Variants in SOX5 observed in about 807,000 individuals in gnomAD.
SOX5 encodes the protein SRY-box transcription factor 5.
Under a neutral mutation model 92.0 loss-of-function variants are expected in SOX5, and 9 were observed. The observed-to-expected ratio is 0.10, with a 90% CI of 0.06 to 0.17. The LOEUF is 0.17. Ranked by LOEUF, SOX5 falls within the 10% of genes least tolerant of loss-of-function variation. The pLI is 1.00. For missense variants in SOX5, 642 were observed against 944.5 expected, an observed-to-expected ratio of 0.68 and a Z score of 4.20; for synonymous variants, 344 against 336.3, an observed-to-expected ratio of 1.02 and a Z score of -0.25.
intron 4 of SOX5, among the ~76,000 whole-genome samples, chr12:23,990,542 T>C (rs943203422): frequency 6.6e-6 from 1 of 152,148 alleles, no homozygotes; most frequent in Non-Finnish European, 1.5e-5. Flanking sequence ...CATCGCATTC[T>C]CTGTGAAACC....
intron 11 of SOX5, among the ~76,000 whole-genome samples, chr12:23,560,261 G>C (rs1945974554): frequency 6.6e-6 from 1 of 152,096 alleles, no homozygotes; most frequent in Non-Finnish European, 1.5e-5. Context: ...GGATTCAAGT[G>C]ATATAAGATA....
intron 3 of SOX5, among the ~76,000 whole-genome samples, chr12:23,782,111 G>C (rs1002373442): frequency 6.6e-6 from 1 of 151,988 alleles, no homozygotes; most frequent in Non-Finnish European, 1.5e-5. Context: ...AGTATATTAA[G>C]TAGTGGTATA....
At chr12:24,346,453 CTTT>C (rs35587389) in intron 2 of SOX5, among the ~76,000 whole-genome samples, 6 of 140,918 alleles carry the variant, frequency 4.3e-5, no homozygotes, top group Non-Finnish European at 6.2e-5. Context: ...TTTTGGAGTA[CTTT>C]TTTTTTTTTT....
chr12:24,116,494 C>A (rs578162468), intron 4 of SOX5, among the ~76,000 whole-genome samples: 1 of 152,046 alleles, frequency 6.6e-6, no homozygotes, highest in East Asian at 1.9e-4. Flanking sequence ...CATAACCTTC[C>A]CGGAGTAGTC....
chr12:23,630,522 A>C (rs900374956), intron 8 of SOX5, among the ~76,000 whole-genome samples: 7 of 152,042 alleles, frequency 4.6e-5, no homozygotes, highest in Non-Finnish European at 1.0e-4. Flanking sequence ...CCTAATTTTC[A>C]AGACTTCCTT....
intron 1 of SOX5, among the ~76,000 whole-genome samples, chr12:23,898,466 A>G (rs995415205): frequency 3.9e-5 from 6 of 152,186 alleles, no homozygotes; most frequent in African/African-American, 1.4e-4. Flanking sequence ...AGTTAATACA[A>G]TTCTATGACC....
Position 23,774,562 on chromosome 12 carries a change from G to A in SOX5, c.482-18838C>T, listed in dbSNP as rs147579732. ...TTACTTAAAATACATGTATAAAATA[G>A]TAATAATTGATTCAATTATAAAGTT... On this transcript the variant is annotated intron_variant, in intron 3 of 14. Coordinates refer to ENST00000451604, the MANE Select transcript of SOX5 (RefSeq NM_006940.6). 9.7e-4 allele frequency among the ~76,000 whole-genome samples: 147 copies of A among 152,228 alleles called. 1 individual carries two copies. In the East Asian group the frequency reaches 0.026, roughly 27 times the overall value.
At chr12:24,308,519 G>C (rs917432416) in intron 2 of SOX5, among the ~76,000 whole-genome samples, 1 of 152,178 alleles carries the variant, frequency 6.6e-6, no homozygotes. Flanking sequence ...GAGGAGGCAA[G>C]AATCGAGGTT....
In SOX5 at chr12:24,409,998, G is replaced by C. The variant is rs1051639117; in HGVS notation, c.-250-41359C>G. ...TCCTTTCAATAGGATCTTTCACATAGCAACTTTTTTTTTTTTTTAAACAGG... is the reference window on the plus strand; with the variant it reads ...TCCTTTCAATAGGATCTTTCACATACCAACTTTTTTTTTTTTTTAAACAGG... On this transcript the variant is annotated intron_variant, in intron 1 of 4. Transcript: ENST00000446891. 7.0e-5 allele frequency among the ~76,000 whole-genome samples: 10 copies of C among 141,896 alleles called. No individual in the cohort carries two copies. In the South Asian group the frequency reaches 2.0e-3, roughly 29 times the overall value. 93.1% of individuals were successfully genotyped at this position (141,896 alleles called of 152,430 possible).
At chr12:23,559,993 C>A (rs1945913052) in intron 11 of SOX5, among the ~76,000 whole-genome samples, 1 of 152,106 alleles carries the variant, frequency 6.6e-6, no homozygotes, top group South Asian at 2.1e-4. Context: ...TCACTGCAAC[C>A]TCCGCCTCCA....
intron 2 of SOX5, among the ~76,000 whole-genome samples, chr12:24,339,914 G>A (rs1322119627): frequency 6.6e-6 from 1 of 152,218 alleles, no homozygotes. Context: ...CCTCCCCCAG[G>A]GTATTATCCC....
intron 2 of SOX5, among the ~76,000 whole-genome samples, chr12:24,364,511 C>CATATATATATATATATATATAT (rs58135899): frequency 1.0e-4 from 11 of 110,510 alleles, no homozygotes; most frequent in East Asian, 5.6e-4. Context: ...AACATTTTTT[C>CATATATATATATATATATATAT]ATATATATAT....
intron 2 of SOX5, among the ~76,000 whole-genome samples, chr12:24,332,052 A>G (rs1269861607): frequency 2.0e-5 from 3 of 152,082 alleles, no homozygotes; most frequent in Admixed American, 6.5e-5. Flanking sequence ...TCATCTCAAA[A>G]AACAAGAAAG....
At chr12:24,273,912 G>A (rs12314445) in intron 3 of SOX5, among the ~76,000 whole-genome samples, 6,475 of 152,088 alleles carry the variant, frequency 0.043, 480 homozygotes, top group African/African-American at 0.15. Context: ...TCTAGTTTCC[G>A]TTGTGATTTC....
At chr12:23,581,962 G>A (rs1950102252) in intron 9 of SOX5, among the ~76,000 whole-genome samples, 1 of 151,904 alleles carries the variant, frequency 6.6e-6, no homozygotes, top group Non-Finnish European at 1.5e-5. Flanking sequence ...AACTGTGATT[G>A]TCCCCATGTT....
intron 4 of SOX5, among the ~76,000 whole-genome samples, chr12:24,063,659 C>T (rs1183004826): frequency 6.6e-6 from 1 of 152,168 alleles, no homozygotes; most frequent in African/African-American, 2.4e-5. Flanking sequence ...AACCTTTACA[C>T]AGATTGAGGA....
chr12:24,101,541 CCT>C (rs1180863323), intron 4 of SOX5, among the ~76,000 whole-genome samples: 1 of 152,102 alleles, frequency 6.6e-6, no homozygotes, highest in Non-Finnish European at 1.5e-5. Context: ...TTGTGTTTTC[CCT>C]GTTTGCAGTT....
intron 2 of SOX5, among the ~76,000 whole-genome samples, chr12:24,351,796 T>C (rs967045026): frequency 6.6e-6 from 1 of 152,254 alleles, no homozygotes; most frequent in Non-Finnish European, 1.5e-5. Context: ...AAATAACATG[T>C]ACATATTGGA....
At chr12:23,676,903 T>G (rs1267102555) in intron 6 of SOX5, among the ~76,000 whole-genome samples, 2 of 152,134 alleles carry the variant, frequency 1.3e-5, no homozygotes, top group Non-Finnish European at 2.9e-5. Context: ...GCCTGAAGAG[T>G]AAGGGCATAG....
Sources: gnomAD v4.1 joint callset for allele counts (sites outside exome capture counted in the v4.1 genomes callset) on GRCh38, gnomAD v4.1.1 for gene constraint, MANE v1.5 for transcripts, NCBI Gene and HGNC (gene_info 2026-07-23, HGNC 2026-07-21) for gene names.